SETDB2: variants seen among roughly 807,000 people sequenced by gnomAD.
SETDB2 encodes the protein SET domain bifurcated histone lysine methyltransferase 2.
SETDB2 carries 56 observed loss-of-function variants against 82.5 expected under a neutral mutation model. The ratio of observed to expected loss-of-function variants is 0.68; its 90% confidence interval spans 0.55 to 0.85. SETDB2 has a LOEUF of 0.85. Among genes scored for constraint, SETDB2 ranks in the 40% least tolerant of loss-of-function variants. The pLI, the probability that SETDB2 is intolerant of heterozygous loss-of-function variation, is 0.00. For synonymous variants in SETDB2, 272 were observed against 284.9 expected, an observed-to-expected ratio of 0.95 and a Z score of 0.46; for missense variants, 677 against 816.4, an observed-to-expected ratio of 0.83 and a Z score of 2.08.
intron 4 of SETDB2, chr13:49,464,177 G>C (rs1393631825): frequency 2.9e-6 from 2 of 697,724 alleles, no homozygotes; most frequent in African/African-American, 3.5e-5. Context: ...TGAAAGATTT[G>C]TAACAGTGTC....
intron 5 of SETDB2, among the ~76,000 whole-genome samples, chr13:49,474,483 A>G (rs978614509): frequency 1.3e-5 from 2 of 152,232 alleles, no homozygotes; most frequent in African/African-American, 2.4e-5. Context: ...TTCTGGGAAT[A>G]TGTTCTGCAA....
intron 11 of SETDB2, 84 bp from the exon 12 acceptor site, chr13:49,488,206 C>T (rs1958634281): frequency 2.0e-6 from 3 of 1,488,220 alleles, no homozygotes; most frequent in Non-Finnish European, 2.7e-6. Flanking sequence ...ATTAAAGCAC[C>T]TAGCATCTAA....
Position 49,480,242 on chromosome 13 carries a change from T to G in SETDB2, c.893T>G (p.Leu298Arg). ...AGAACAAAATGTGCATGTCTTCAAC[T>G]GACAGCAAGGAATGCCAAAACTTCC... ...IDITKCACLQLTARNAKTSPL... is the reference protein window; with the variant it reads ...IDITKCACLQRTARNAKTSPL... Residue 298 changes from leucine to arginine, a missense_variant, in exon 7 of 14, where the codon CTG becomes CGG. By Grantham distance (102) the Leu-to-Arg change is moderately radical. Transcript: ENST00000611815. 1.9e-6 allele frequency: 3 copies of G among 1,609,626 alleles called. No individual in the cohort carries two copies. The highest frequency in any genetic ancestry group is 2.5e-6 in the Non-Finnish European group (3 of 1,178,726).
In SETDB2 at chr13:49,467,924, C is replaced by T. The variant is rs1176857417; in HGVS notation, c.269C>T (p.Ser90Leu). 10 of 1,610,178 alleles carry T rather than the reference C, an allele frequency of 6.2e-6. No individual in the cohort carries two copies. The highest frequency in any genetic ancestry group is 8.5e-6 in the Non-Finnish European group (10 of 1,178,608). ...ENKSNAFPST[S>L]CENSFPEDCT... ...AAATCCAATGCATTTCCCTCTACATCATGTGAAAACTCCTTTCCAGAAGAC... is the reference window on the plus strand; with the variant it reads ...AAATCCAATGCATTTCCCTCTACATTATGTGAAAACTCCTTTCCAGAAGAC... The change falls in exon 5 of 14, where the codon TCA becomes TTA. Residue 90 changes from serine (S) to leucine (L), a missense_variant. By Grantham distance (145) the Ser-to-Leu change is moderately radical. This residue lies in a region of SETDB2 where 243 missense variants were observed against 237.2 expected (regional missense o/e 1.02). Coordinates refer to ENST00000611815, the MANE Select transcript of SETDB2 (RefSeq NM_001160308.3).
chr13:49,487,161 A>C (rs1202898433), intron 11 of SETDB2, among the ~76,000 whole-genome samples: 4 of 152,212 alleles, frequency 2.6e-5, no homozygotes, highest in African/African-American at 7.2e-5. Context: ...CATGATTAAA[A>C]TATAAGTACA....
intron 1 of SETDB2, among the ~76,000 whole-genome samples, chr13:49,448,535 C>G (rs1957733560): frequency 6.6e-6 from 1 of 152,146 alleles, no homozygotes; most frequent in African/African-American, 2.4e-5. Flanking sequence ...TTGATTTCTT[C>G]TGTAAACCAT....
intron 2 of SETDB2, among the ~76,000 whole-genome samples, chr13:49,454,918 C>T (rs190117547): frequency 5.3e-5 from 8 of 151,842 alleles, no homozygotes; most frequent in East Asian, 3.9e-4. Context: ...TATTTAAAAC[C>T]GCAAAGAGCT....
At chr13:49,464,157 T>C (rs1158868108) in intron 4 of SETDB2, 1 of 717,054 alleles carries the variant, frequency 1.4e-6, no homozygotes, top group African/African-American at 1.7e-5. Context: ...ATGGGTCCTA[T>C]GAGAATAAGT....
rs978398552 is a variant in SETDB2 at position 49,492,017 on chromosome 13, A to G, written c.*168A>G. On this transcript the variant is annotated 3_prime_UTR_variant, in exon 14 of 14. Transcript: ENST00000611815. ...GTGACTTAGAAATTCCAGGAACACA[A>G]TTAGGATATTTTCATACACATAGGG... The G allele has an allele frequency of 7.3e-6, 5 of 687,608 alleles. No individual in the cohort carries two copies. The highest frequency in any genetic ancestry group is 2.6e-4 in the Middle Eastern group (1 of 3,882). 42.6% of individuals were successfully genotyped at this position (687,608 alleles called of 1,614,324 possible).
chr13:49,476,885 G>A lies in SETDB2; in HGVS notation c.715G>A (p.Glu239Lys), dbSNP rs1324864324. 1 of 1,614,162 alleles carries A rather than the reference G, an allele frequency of 6.2e-7. No individual in the cohort carries two copies. The highest frequency in any genetic ancestry group is 1.1e-5 in the South Asian group (1 of 91,082). The change falls in exon 6 of 14, where the codon GAA (glutamate) becomes AAA (lysine). Residue 239 changes from glutamate (E) to lysine (K), a missense_variant. This residue lies in a region of SETDB2 where 420 missense variants were observed against 554.6 expected (regional missense o/e 0.76). Transcript: ENST00000611815. ...VSDVDISNGV[E>K]SVPISFCNEI... ...TGATGTGGATATTAGCAATGGAGTG[G>A]AATCAGTGCCCATTTCTTTCTGTAA...
rs1958519651 is a variant in SETDB2, at chr13:49,483,490, G to C, written c.1409G>C (p.Arg470Thr). Residue 470 changes from arginine to threonine, a missense_variant, in exon 10 of 14, where the codon AGA (arginine) becomes ACA (threonine). This residue lies in a region of SETDB2 where 420 missense variants were observed against 554.6 expected (regional missense o/e 0.76). Coordinates refer to ENST00000611815, the MANE Select transcript of SETDB2 (RefSeq NM_001160308.3). ...TVETKYDNISRIQYHSVIRDP... is the reference protein window; with the variant it reads ...TVETKYDNISTIQYHSVIRDP... ...GAAACGAAATATGATAATATTTCAA[G>C]AATTCAATATCATTCAGTTATTAGA... 1 of 1,419,894 alleles carries C rather than the reference G, an allele frequency of 7.0e-7. No homozygotes were observed. The highest frequency in any genetic ancestry group is 1.5e-5 in the African/African-American group (1 of 67,024). The allele number at this position is 1,419,894 out of a possible 1,614,324, so 88.0% of individuals were successfully genotyped here.
At chr13:49,459,430 T>G (rs1049663703) in intron 2 of SETDB2, among the ~76,000 whole-genome samples, 1 of 152,264 alleles carries the variant, frequency 6.6e-6, no homozygotes, top group African/African-American at 2.4e-5. Context: ...TTAAATAATT[T>G]TATACATTGT....
Position 49,476,481 on chromosome 13 carries a change from C to T in SETDB2, c.311C>T (p.Thr104Ile). ...SFPEDCTFLT[T>I]ENKEILSLED... ...TGAATAATTTATTTTAACAGAACAACAGAAAATAAGGAAATTCTCTCTCTT... is the reference window on the plus strand; with the variant it reads ...TGAATAATTTATTTTAACAGAACAATAGAAAATAAGGAAATTCTCTCTCTT... Residue 104 changes from threonine (T) to isoleucine (I), a missense_variant, in exon 6 of 14, where the codon ACA (threonine) becomes ATA (isoleucine). Coordinates refer to ENST00000611815, the MANE Select transcript of SETDB2 (RefSeq NM_001160308.3). 1.3e-6 allele frequency: 2 copies of T among 1,554,696 alleles called. No homozygotes were observed. Among genetic ancestry groups the T allele is most frequent in the Non-Finnish European group, 1.7e-6 (2 of 1,147,284 alleles).
chr13:49,489,566 A>T (rs1594184285), intron 12 of SETDB2, among the ~76,000 whole-genome samples: 1 of 137,364 alleles, frequency 7.3e-6, no homozygotes. Context: ...CCCCGACTCC[A>T]CCTTCTCTCT....
chr13:49,479,508 A>G (rs1395632762), intron 6 of SETDB2, among the ~76,000 whole-genome samples: 1 of 152,220 alleles, frequency 6.6e-6, no homozygotes, highest in East Asian at 1.9e-4. Flanking sequence ...TAATTAATAC[A>G]GAAAATACAG....
intron 2 of SETDB2, among the ~76,000 whole-genome samples, chr13:49,455,516 TA>T (rs1297390499): frequency 1.3e-5 from 2 of 152,170 alleles, no homozygotes; most frequent in Non-Finnish European, 2.9e-5. Flanking sequence ...CATATAATTT[TA>T]AAATCACATT....
At chr13:49,452,038 G>T (rs1344293957) in intron 2 of SETDB2, 129 bp downstream of exon 2, 4 of 563,376 alleles carry the variant, frequency 7.1e-6, no homozygotes, top group Admixed American at 4.0e-5. Context: ...GGAATTAAGG[G>T]TTTATTCTTG....
rs1958449676 is a variant in SETDB2 at position 49,480,167 on chromosome 13, G to A, written c.870-52G>A. 2.3e-5 allele frequency: 27 copies of A among 1,175,880 alleles called. No homozygotes were observed. In the South Asian group the frequency reaches 3.6e-4, roughly 16 times the overall value. 72.8% of individuals were successfully genotyped at this position (1,175,880 alleles called of 1,614,324 possible). A position where few individuals can be genotyped will look rare whatever the true frequency, so the allele number is the denominator to read the frequency against. On this transcript the variant is annotated intron_variant, in intron 6 of 13. Coordinates refer to ENST00000611815, the MANE Select transcript of SETDB2 (RefSeq NM_001160308.3). Reference sequence around the variant, plus strand: ...TACACATTTATCAAGACAGTCTCTTGACTTGACTTGCTGCTTTTTCATTCT... The same window carrying A: ...TACACATTTATCAAGACAGTCTCTTAACTTGACTTGCTGCTTTTTCATTCT...
intron 6 of SETDB2, among the ~76,000 whole-genome samples, chr13:49,478,319 A>G (rs67714799): frequency 0.068 from 10,412 of 152,248 alleles, 472 homozygotes; most frequent in East Asian, 0.17. Context: ...AGGAATAGAA[A>G]CAGGTACCTG....
Sources: allele counts gnomAD v4.1 joint callset (sites outside exome capture counted in the v4.1 genomes callset), GRCh38; gene constraint gnomAD v4.1.1; regional missense constraint gnomAD v4.1.1; transcripts MANE v1.5; gene names NCBI Gene and HGNC (gene_info 2026-07-23, HGNC 2026-07-21).